Variants in RAB1A observed in about 807,000 individuals in gnomAD.
RAB1A encodes RAB1A, member RAS oncogene family.
Under a neutral mutation model 26.0 loss-of-function variants are expected in RAB1A, and 2 were observed. The observed-to-expected ratio is 0.08, with a 90% confidence interval of 0.03 to 0.24. RAB1A has a LOEUF of 0.24. Among genes scored for constraint, RAB1A ranks in the 10% least tolerant of loss-of-function variants. The pLI is 1.00. For missense variants in RAB1A, 100 were observed against 247.0 expected (o/e 0.40, Z 3.99); for synonymous variants, 84 against 84.9 (o/e 0.99, Z 0.06).
At chr2:65,097,505 T>C (rs1669317255) in intron 3 of RAB1A, among the ~76,000 whole-genome samples, 1 of 152,234 alleles carries the variant, frequency 6.6e-6, no homozygotes, top group Admixed American at 6.5e-5. Context: ...CAAAATTCTG[T>C]GTTTCTACAG....
At chr2:65,108,501 ACT>A (rs1297642198) in intron 1 of RAB1A, among the ~76,000 whole-genome samples, 1 of 151,722 alleles carries the variant, frequency 6.6e-6, no homozygotes, top group East Asian at 1.9e-4. Context: ...CAAATATAAC[ACT>A]CTTATTTTAA....
intron 5 of RAB1A, 72 bp downstream of exon 5, chr2:65,088,867 T>C: frequency 1.4e-6 from 2 of 1,457,630 alleles, no homozygotes; most frequent in Non-Finnish European, 9.3e-7. Flanking sequence ...GCTGTGGCCT[T>C]ACTGTTACTG....
intron 1 of RAB1A, among the ~76,000 whole-genome samples, chr2:65,123,453 A>G (rs2103883998): frequency 6.6e-6 from 1 of 152,026 alleles, no homozygotes; most frequent in Middle Eastern, 3.4e-3. Flanking sequence ...CAGGGCACAT[A>G]CATAAATTAT....
At chr2:65,113,055 T>TA (rs1669738508) in intron 1 of RAB1A, among the ~76,000 whole-genome samples, 1 of 151,672 alleles carries the variant, frequency 6.6e-6, no homozygotes, top group Non-Finnish European at 1.5e-5. Flanking sequence ...TTAAAGAAAA[T>TA]TAAGGAAAAA....
intron 2 of RAB1A, among the ~76,000 whole-genome samples, chr2:65,102,209 T>C (rs1036768527): frequency 6.6e-6 from 1 of 152,180 alleles, no homozygotes; most frequent in African/African-American, 2.4e-5. Flanking sequence ...TTTTCTAACA[T>C]TTTTGTGCCT....
At chr2:65,104,600 T>C in intron 2 of RAB1A, 134 bp downstream of exon 2, 1 of 682,716 alleles carries the variant, frequency 1.5e-6, no homozygotes, top group African/African-American at 1.8e-5. Flanking sequence ...GGATGTATAT[T>C]TGGAGTCTTT....
chr2:65,125,480 G>A (rs1156357022), intron 1 of RAB1A, among the ~76,000 whole-genome samples: 1 of 141,958 alleles, frequency 7.0e-6, no homozygotes, highest in African/African-American at 2.7e-5. Flanking sequence ...GGAGTGCAGT[G>A]GCATGATCTG....
chr2:65,096,025 C>T (rs1252053947), intron 3 of RAB1A, among the ~76,000 whole-genome samples: 5 of 152,154 alleles, frequency 3.3e-5, no homozygotes, highest in Admixed American at 6.5e-5. Flanking sequence ...TGGTGGCGCA[C>T]GCCTGTAATC....
chr2:65,110,853 T>A lies in RAB1A; in HGVS notation c.24-6047A>T, dbSNP rs148790618. On this transcript the variant is annotated intron_variant, in intron 1 of 5. Coordinates refer to ENST00000409784, the MANE Select transcript of RAB1A (RefSeq NM_004161.5). ...TGAGAGGCTGAGGCAGAAGGATCAC[T>A]TGAGCCCAGGAGTTTGAGGCTGCAG... Among the ~76,000 whole-genome samples the A allele has an allele frequency of 2.2e-3, 336 of 152,118 alleles. 1 individual carries two copies. The highest frequency in any genetic ancestry group is 7.7e-3 in the African/African-American group (319 of 41,510).
At chr2:65,105,706 G>A (rs1339375655) in intron 1 of RAB1A, among the ~76,000 whole-genome samples, 1 of 151,782 alleles carries the variant, frequency 6.6e-6, no homozygotes, top group African/African-American at 2.4e-5. Context: ...TTATCCAAGT[G>A]CAAAACTTGA....
chr2:65,100,503 T>A lies in RAB1A; in HGVS notation c.97-2437A>T, dbSNP rs1284859598. Among the ~76,000 whole-genome samples, 3 of 151,688 alleles carry A rather than the reference T, an allele frequency of 2.0e-5. No homozygotes were observed. The East Asian group carries it at 5.8e-4, about 29-fold the overall frequency. On this transcript the variant is annotated intron_variant, in intron 2 of 5. Coordinates refer to ENST00000409784, the MANE Select transcript of RAB1A (RefSeq NM_004161.5). ...GGCCAGGCGCAGTGGCTCACATATG[T>A]AATCCCAGCACTTTGGGAGGCCAAG...
intron 2 of RAB1A, among the ~76,000 whole-genome samples, chr2:65,098,345 C>T (rs1669337654): frequency 1.3e-5 from 2 of 152,106 alleles, no homozygotes; most frequent in Non-Finnish European, 2.9e-5. Flanking sequence ...TTTTTCCAAA[C>T]ATCATCTCTT....
At chr2:65,098,296 G>C (rs1669336880) in intron 2 of RAB1A, among the ~76,000 whole-genome samples, 1 of 152,036 alleles carries the variant, frequency 6.6e-6, no homozygotes, top group Non-Finnish European at 1.5e-5. Flanking sequence ...CTTAACTGTA[G>C]TTTCTTTCCT....
rs777949330 is a variant in RAB1A, at chr2:65,089,027, C to T, written c.332G>A (p.Arg111His). ...TTTGTTGACATTTTCACTGGCATAA[C>T]GATCTATTTCCTGCAGCCACTGTTT... Reference protein sequence around the residue: ...NVKQWLQEIDRYASENVNKLL... With the variant: ...NVKQWLQEIDHYASENVNKLL... The change falls in exon 5 of 6, where the codon CGT becomes CAT. Residue 111 changes from arginine to histidine, a missense_variant. By Grantham distance (29) the Arg-to-His change is conservative. Transcript: ENST00000409784. 2 of 1,610,256 alleles carry T rather than the reference C, an allele frequency of 1.2e-6. No individual in the cohort carries two copies. Among genetic ancestry groups the T allele is most frequent in the South Asian group, 1.1e-5 (1 of 90,534 alleles).
chr2:65,122,522 A>G (rs943160674), intron 1 of RAB1A, among the ~76,000 whole-genome samples: 1 of 152,110 alleles, frequency 6.6e-6, no homozygotes, highest in Non-Finnish European at 1.5e-5. Flanking sequence ...TGATTGCATC[A>G]CTGCACTGTA....
chr2:65,098,833 C>CTACTTTT lies in RAB1A; in HGVS notation c.97-768_97-767insAAAAGTA, dbSNP rs1553392054. Among the ~76,000 whole-genome samples the CTACTTTT allele has an allele frequency of 7.3e-4, 29 of 39,530 alleles. 1 individual carries two copies. The East Asian group carries it at 0.016, about 22-fold the overall frequency. The allele number at this position is 39,530 out of a possible 152,430, so 25.9% of individuals were successfully genotyped here. A position where few individuals can be genotyped will look rare whatever the true frequency, so the allele number is the denominator to read the frequency against. ...ATCCATGTTGTACCATGTAACAGTA[C>CTACTTTT]TTCTTTTTTTTTTTTTTTTTGAGGC... On this transcript the variant is annotated intron_variant, in intron 2 of 5. Transcript: ENST00000409784.
At chr2:65,109,311 A>G (rs1255825653) in intron 1 of RAB1A, among the ~76,000 whole-genome samples, 1 of 152,254 alleles carries the variant, frequency 6.6e-6, no homozygotes, top group East Asian at 1.9e-4. Flanking sequence ...AAATGTATTT[A>G]TTCTTCATTC....
chr2:65,112,611 A>T (rs1436818840), intron 1 of RAB1A, among the ~76,000 whole-genome samples: 1 of 152,184 alleles, frequency 6.6e-6, no homozygotes, highest in East Asian at 1.9e-4. Context: ...TACTACGAGC[A>T]GATATTTTAT....
chr2:65,115,310 A>G (rs1459535851), intron 1 of RAB1A, among the ~76,000 whole-genome samples: 2 of 152,232 alleles, frequency 1.3e-5, no homozygotes, highest in Non-Finnish European at 1.5e-5. Flanking sequence ...ATAAATCTTA[A>G]GGGAAAATTA....
Sources: allele counts gnomAD v4.1 joint callset (sites outside exome capture counted in the v4.1 genomes callset), GRCh38; gene constraint gnomAD v4.1.1; transcripts MANE v1.5; gene names NCBI Gene and HGNC (gene_info 2026-07-23, HGNC 2026-07-21).